PRR16: variants seen among roughly 807,000 people sequenced by gnomAD.
PRR16 encodes the protein protein Largen.
A neutral mutation model predicts 18.2 loss-of-function variants in PRR16; 6 were observed. The observed-to-expected ratio is 0.33, with a 90% CI of 0.18 to 0.65. The LOEUF (loss-of-function observed/expected upper bound fraction) is 0.65, where lower values mean the gene tolerates loss of function less well. PRR16 is among the 30% of genes least tolerant of loss of function. PRR16 has a pLI of 0.74. For synonymous variants in PRR16, 151 were observed against 147.8 expected, an observed-to-expected ratio of 1.02 and a Z score of -0.16; for missense variants, 412 against 376.6, an observed-to-expected ratio of 1.09 and a Z score of -0.78.
chr5:120,631,302 A>G (rs1052233328), intron 1 of PRR16, among the ~76,000 whole-genome samples: 1 of 152,134 alleles, frequency 6.6e-6, no homozygotes, highest in Non-Finnish European at 1.5e-5. Flanking sequence ...ACCAAGAACT[A>G]CTGCAGGAAC....
chr5:120,727,024 C>G, the PRR16 span, among the ~76,000 whole-genome samples: 1 of 152,056 alleles, frequency 6.6e-6, no homozygotes, highest in Non-Finnish European at 1.5e-5. Context: ...AGCCCCAGAA[C>G]ATCACTGAAG....
At chr5:120,771,688 C>G in the PRR16 span, among the ~76,000 whole-genome samples, 1 of 152,030 alleles carries the variant, frequency 6.6e-6, no homozygotes, top group Non-Finnish European at 1.5e-5. Flanking sequence ...CACCAGCTCT[C>G]AACTCAGAGT....
At chr5:120,505,934 A>ATGTG (rs1554079095) in intron 1 of PRR16, among the ~76,000 whole-genome samples, 3 of 130,316 alleles carry the variant, frequency 2.3e-5, no homozygotes, top group Non-Finnish European at 4.8e-5. Context: ...ATATGTGTGT[A>ATGTG]TGTGTGTGTG....
intron 1 of PRR16, among the ~76,000 whole-genome samples, chr5:120,587,202 G>A (rs1753477458): frequency 6.6e-6 from 1 of 152,108 alleles, no homozygotes; most frequent in Admixed American, 6.6e-5. Context: ...TTTATCATGG[G>A]GATAAGGAAA....
chr5:120,683,698 C>T (rs1757039430), intron 1 of PRR16, among the ~76,000 whole-genome samples: 2 of 151,962 alleles, frequency 1.3e-5, no homozygotes, highest in South Asian at 4.1e-4. Context: ...TCAGTAATGT[C>T]ACATGACTAA....
chr5:120,546,039 A>G (rs1327541877), intron 1 of PRR16, among the ~76,000 whole-genome samples: 1 of 152,132 alleles, frequency 6.6e-6, no homozygotes, highest in Non-Finnish European at 1.5e-5. Flanking sequence ...ATTTTCATAC[A>G]TTATTAATTC....
rs187096706 is a variant in PRR16 at position 120,566,697 on chromosome 5, T to C, written c.159+102052T>C. 5.2e-3 allele frequency among the ~76,000 whole-genome samples: 792 copies of C among 152,320 alleles called. 6 individuals are homozygous for C. Among genetic ancestry groups the C allele is most frequent in the Admixed American group, 0.011 (171 of 15,302 alleles). On this transcript the variant is annotated intron_variant, in intron 1 of 1. Coordinates refer to ENST00000407149, the MANE Select transcript of PRR16 (RefSeq NM_001300783.2). Reference sequence around the variant, plus strand: ...TTGAATAGCTGTACACACTATAAAATTTAAATGTTGTGAAAGGGCATGTAC... The same window carrying C: ...TTGAATAGCTGTACACACTATAAAACTTAAATGTTGTGAAAGGGCATGTAC...
intron 1 of PRR16, among the ~76,000 whole-genome samples, chr5:120,614,724 A>G (rs904933080): frequency 3.9e-5 from 6 of 152,222 alleles, no homozygotes; most frequent in African/African-American, 7.2e-5. Context: ...TAGTTTTTCC[A>G]CTGTGCATAG....
chr5:120,739,407 A>G, the PRR16 span, among the ~76,000 whole-genome samples: 10 of 152,172 alleles, frequency 6.6e-5, no homozygotes, highest in Admixed American at 2.0e-4. Context: ...TTACATGGTT[A>G]TAAGAGGGCA....
intron 1 of PRR16, among the ~76,000 whole-genome samples, chr5:120,671,672 C>A (rs1391397608): frequency 6.6e-6 from 1 of 152,026 alleles, no homozygotes; most frequent in African/African-American, 2.4e-5. Context: ...AAAAACATGT[C>A]AAAATGTCAT....
intron 1 of PRR16, among the ~76,000 whole-genome samples, chr5:120,589,491 G>A (rs1316391651): frequency 6.6e-6 from 1 of 152,026 alleles, no homozygotes; most frequent in African/African-American, 2.4e-5. Flanking sequence ...TGTAGATTTA[G>A]GGTGGTATAT....
chr5:120,640,395 A>G (rs1755382802), intron 1 of PRR16, among the ~76,000 whole-genome samples: 1 of 152,152 alleles, frequency 6.6e-6, no homozygotes, highest in South Asian at 2.1e-4. Context: ...TATTCAATGC[A>G]TTAACATGTT....
intron 1 of PRR16, among the ~76,000 whole-genome samples, chr5:120,516,726 A>G (rs1310932482): frequency 6.6e-6 from 1 of 152,146 alleles, no homozygotes; most frequent in African/African-American, 2.4e-5. Context: ...ACTACTTGGT[A>G]TGTTGCCATG....
At chr5:120,758,768 G>A in the PRR16 span, among the ~76,000 whole-genome samples, 1 of 151,890 alleles carries the variant, frequency 6.6e-6, no homozygotes, top group Non-Finnish European at 1.5e-5. Context: ...AACCTCCTTT[G>A]TTTATAAATT....
the PRR16 span, among the ~76,000 whole-genome samples, chr5:120,737,503 T>C: frequency 1.3e-5 from 2 of 151,914 alleles, no homozygotes; most frequent in Non-Finnish European, 2.9e-5. Context: ...TAGTGTATAA[T>C]CCTTTTAATG....
intron 1 of PRR16, among the ~76,000 whole-genome samples, chr5:120,475,280 C>T (rs1749403353): frequency 6.6e-6 from 1 of 152,190 alleles, no homozygotes; most frequent in South Asian, 2.1e-4. Context: ...CACACAGTTG[C>T]TCTGCTATTT....
In PRR16 at chr5:120,686,819, A is replaced by C; in HGVS notation, c.*110A>C. The C allele has an allele frequency of 1.1e-6, 1 of 921,694 alleles. No homozygotes were observed. Among genetic ancestry groups the C allele is most frequent in the Non-Finnish European group, 1.5e-6 (1 of 675,002 alleles). The allele number at this position is 921,694 out of a possible 1,614,324, so 57.1% of individuals were successfully genotyped here. A position where few individuals can be genotyped will look rare whatever the true frequency, so the allele number is the denominator to read the frequency against. ...AAAAGCCCAAATATATTAATCCTGC[A>C]TTCAGCAAAGTGGCATAAAAATCAC... On this transcript the variant is annotated 3_prime_UTR_variant, in exon 2 of 2. Coordinates refer to ENST00000407149, the MANE Select transcript of PRR16 (RefSeq NM_001300783.2).
chr5:120,583,313 A>ATGTGTG (rs35255792), intron 1 of PRR16, among the ~76,000 whole-genome samples: 11 of 149,134 alleles, frequency 7.4e-5, no homozygotes, highest in Non-Finnish European at 1.5e-4. Flanking sequence ...ATACAAAATA[A>ATGTGTG]TGTGTGTGTG....
chr5:120,518,193 G>A (rs1316276277), intron 1 of PRR16, among the ~76,000 whole-genome samples: 2 of 152,080 alleles, frequency 1.3e-5, no homozygotes, highest in African/African-American at 4.8e-5. Flanking sequence ...GTTAAATGAG[G>A]TAATGTATAA....
Sources: allele counts gnomAD v4.1 joint callset (sites outside exome capture counted in the v4.1 genomes callset), GRCh38; gene constraint gnomAD v4.1.1; transcripts MANE v1.5; gene names NCBI Gene and HGNC (gene_info 2026-07-23, HGNC 2026-07-21).